The following ZNF680 variants were observed in gnomAD, a reference collection of about 807,000 sequenced individuals.
ZNF680 encodes zinc finger protein 680, also known as hypothetical protein FLJ90430.
A neutral mutation model predicts 12.1 loss-of-function variants in ZNF680; 6 were observed. That is an observed-to-expected ratio of 0.49 (90% CI 0.27 to 0.98). The LOEUF is 0.98. Ranked by LOEUF, ZNF680 falls within the 50% of genes least tolerant of loss-of-function variation. The pLI, the probability that ZNF680 is intolerant of heterozygous loss-of-function variation, is 0.12. For synonymous variants in ZNF680, 170 were observed against 199.3 expected, an observed-to-expected ratio of 0.85 and a Z score of 1.24; for missense variants, 561 against 616.3, an observed-to-expected ratio of 0.91 and a Z score of 0.95.
intron 1 of ZNF680, among the ~76,000 whole-genome samples, chr7:64,557,804 T>G (rs896141488): frequency 1.3e-5 from 2 of 152,176 alleles, no homozygotes; most frequent in African/African-American, 4.8e-5. Flanking sequence ...CAGAATTGCT[T>G]GAACCCCGGA....
chr7:64,560,230 C>T (rs1248200179), intron 1 of ZNF680, among the ~76,000 whole-genome samples: 2 of 151,268 alleles, frequency 1.3e-5, no homozygotes, highest in African/African-American at 4.9e-5. Context: ...TTTCCTGCTT[C>T]AGCCTCCCAA....
intron 3 of ZNF680, among the ~76,000 whole-genome samples, chr7:64,536,168 T>C (rs945654287): frequency 1.3e-5 from 2 of 152,188 alleles, no homozygotes; most frequent in African/African-American, 4.8e-5. Context: ...TAATTGTAGA[T>C]ATCAAGACCC....
At chr7:64,560,734 C>A (rs1006422381) in intron 1 of ZNF680, among the ~76,000 whole-genome samples, 1 of 151,846 alleles carries the variant, frequency 6.6e-6, no homozygotes, top group Non-Finnish European at 1.5e-5. Flanking sequence ...ATCGCTTGAA[C>A]CCAAGAGACA....
At chr7:64,527,461 C>T (rs1791925836) in intron 3 of ZNF680, among the ~76,000 whole-genome samples, 1 of 152,000 alleles carries the variant, frequency 6.6e-6, no homozygotes, top group African/African-American at 2.4e-5. Flanking sequence ...TTTGGGAGGC[C>T]GAGGAGGGTG....
At position 64,522,125 on chromosome 7, in the gene ZNF680, TAAG is replaced by T. The variant is rs745634253; in HGVS notation, c.626_628del (p.Ser209del). On this transcript the variant is annotated inframe_deletion, in exon 4 of 4. Transcript: ENST00000309683. ...AACTTTGCCACATTCCTCACATTTGTAAGAATTCTCTCTAGTGTGAATTCTTAT... is the reference window on the plus strand; with the variant it reads ...AACTTTGCCACATTCCTCACATTTGTAATTCTCTCTAGTGTGAATTCTTAT... 3 of 1,611,590 alleles carry T rather than the reference TAAG, an allele frequency of 1.9e-6. No individual in the cohort carries two copies. The highest frequency in any genetic ancestry group is 2.5e-6 in the Non-Finnish European group (3 of 1,178,722).
chr7:64,507,063 T>C, the ZNF680 span, among the ~76,000 whole-genome samples: 1 of 152,212 alleles, frequency 6.6e-6, no homozygotes, highest in Non-Finnish European at 1.5e-5. Context: ...TACATATTTA[T>C]ATTAATTCTT....
At chr7:64,509,661 C>G in the ZNF680 span, among the ~76,000 whole-genome samples, 1 of 152,040 alleles carries the variant, frequency 6.6e-6, no homozygotes, top group African/African-American at 2.4e-5. Flanking sequence ...TCTGGGGTAC[C>G]CTGGGAGCCT....
chr7:64,545,224 A>T (rs1786722249), intron 1 of ZNF680, among the ~76,000 whole-genome samples: 1 of 138,706 alleles, frequency 7.2e-6, no homozygotes, highest in South Asian at 2.5e-4. Flanking sequence ...AGACTGCGCC[A>T]GTGCATTCTA....
chr7:64,554,369 T>TA (rs1412616497), intron 1 of ZNF680, among the ~76,000 whole-genome samples: 2 of 149,518 alleles, frequency 1.3e-5, no homozygotes, highest in East Asian at 4.0e-4. Flanking sequence ...GTCCGGGAGG[T>TA]GGGGGGCAGC....
At chr7:64,535,653 G>T (rs1018367880) in intron 3 of ZNF680, among the ~76,000 whole-genome samples, 5 of 152,040 alleles carry the variant, frequency 3.3e-5, no homozygotes, top group Admixed American at 3.3e-4. Flanking sequence ...TACTTTAAGT[G>T]AAGTACTTGG....
At chr7:64,535,373 CAAAA>C (rs759391371) in intron 3 of ZNF680, among the ~76,000 whole-genome samples, 114 of 72,858 alleles carry the variant, frequency 1.6e-3, no homozygotes, top group Admixed American at 6.3e-3. Flanking sequence ...CAAGAAAGAA[CAAAA>C]GAAAGAAAAG....
the ZNF680 span, among the ~76,000 whole-genome samples, chr7:64,503,976 A>T: frequency 1.3e-5 from 2 of 152,212 alleles, no homozygotes; most frequent in Non-Finnish European, 2.9e-5. Flanking sequence ...TATATGCATC[A>T]ATAATAAAGT....
intron 3 of ZNF680, among the ~76,000 whole-genome samples, chr7:64,531,868 TCACA>T (rs1233781653): frequency 3.3e-5 from 5 of 151,736 alleles, no homozygotes; most frequent in Admixed American, 1.3e-4. Context: ...GACTGTAAGG[TCACA>T]CTTCAAGAAA....
chr7:64,508,120 A>AATATATATATATATATATAT, the ZNF680 span, among the ~76,000 whole-genome samples: 2 of 69,234 alleles, frequency 2.9e-5, no homozygotes, highest in African/African-American at 2.1e-4. Flanking sequence ...TATATTTTAA[A>AATATATATATATATATATAT]ATGTATATAT....
At chr7:64,557,243 A>G (rs1333318856) in intron 1 of ZNF680, among the ~76,000 whole-genome samples, 1 of 147,940 alleles carries the variant, frequency 6.8e-6, no homozygotes, top group South Asian at 2.2e-4. Flanking sequence ...AGAGCGAGAC[A>G]CTGTCTCAAA....
chr7:64,522,100 A>G lies in ZNF680; in HGVS notation c.654T>C (p.Val218=). 1 of 1,611,364 alleles carries G rather than the reference A, an allele frequency of 6.2e-7. No homozygotes were observed. The highest frequency in any genetic ancestry group is 1.1e-5 in the South Asian group (1 of 90,748). The change falls in exon 4 of 4, where the codon GTT becomes GTC. Residue 218 remains valine (V), a synonymous_variant. Coordinates refer to ENST00000309683, the MANE Select transcript of ZNF680 (RefSeq NM_178558.5). The part of the protein sequence containing the change: ...NSYKCEECGK[V]LNWFSELIKH... ...TAATAAGCTCTGAGAACCAGTTAAG[A>G]ACTTTGCCACATTCCTCACATTTGT... is the stretch of plus-strand genomic sequence containing the variant.
chr7:64,520,383 T>C lies in ZNF680; in HGVS notation c.*778A>G, dbSNP rs891712870. 6.6e-6 allele frequency: 1 copy of C among 151,842 alleles called. No homozygotes were observed. The highest frequency in any genetic ancestry group is 1.5e-5 in the Non-Finnish European group (1 of 67,744). The allele number at this position is 151,842 out of a possible 1,614,324, so 9.4% of individuals were successfully genotyped here. Reference sequence around the variant, plus strand: ...AATTATAACTCTCCAAAGAATCTTCTACTCCTTTTAAAGTTATTTACAAAT... The same window carrying C: ...AATTATAACTCTCCAAAGAATCTTCCACTCCTTTTAAAGTTATTTACAAAT... On this transcript the variant is annotated 3_prime_UTR_variant, in exon 4 of 4. Transcript: ENST00000309683.
downstream of ZNF680, among the ~76,000 whole-genome samples, chr7:64,515,230 T>C (rs1194933978): frequency 6.6e-6 from 1 of 152,046 alleles, no homozygotes; most frequent in Admixed American, 6.5e-5. Context: ...TAAAAACTAG[T>C]TAAATTATTC....
At chr7:64,512,388 G>A in the ZNF680 span, among the ~76,000 whole-genome samples, 5 of 149,910 alleles carry the variant, frequency 3.3e-5, no homozygotes, top group Non-Finnish European at 7.4e-5. Context: ...GGGAGGCAGA[G>A]GTTGCAGTGA....
Sources: gnomAD v4.1 joint callset for allele counts (sites outside exome capture counted in the v4.1 genomes callset) on GRCh38, gnomAD v4.1.1 for gene constraint, MANE v1.5 for transcripts, NCBI Gene and HGNC (gene_info 2026-07-23, HGNC 2026-07-21) for gene names.